CNN1: variants seen among roughly 807,000 people sequenced by gnomAD.
CNN1 encodes calponin-1.
CNN1 carries 21 observed loss-of-function variants against 35.3 expected under a neutral mutation model. The observed-to-expected ratio is 0.60, with a 90% CI of 0.42 to 0.86. The LOEUF is 0.86. Ranked by LOEUF, CNN1 falls within the 40% of genes least tolerant of loss-of-function variation. The pLI is 0.00. For missense variants in CNN1, 314 were observed against 400.8 expected, an observed-to-expected ratio of 0.78 and a Z score of 1.85; for synonymous variants, 164 against 161.8, an observed-to-expected ratio of 1.01 and a Z score of -0.10.
chr19:11,548,032 C>T (rs190775605), intron 5 of CNN1, 125 bp downstream of exon 5: 3 of 615,520 alleles, frequency 4.9e-6, no homozygotes, highest in African/African-American at 3.8e-5. Context: ...TGCTTATGCT[C>T]ATCTTCCATT....
chr19:11,547,067 G>A, intron 4 of CNN1, 98 bp downstream of exon 4: 1 of 1,549,292 alleles, frequency 6.5e-7, no homozygotes, highest in East Asian at 2.3e-5. Flanking sequence ...AGGTGGCGGA[G>A]CGGGGGGCAG....
At chr19:11,539,665 G>T in intron 1 of CNN1, 1 of 671,750 alleles carries the variant, frequency 1.5e-6, no homozygotes, top group Admixed American at 2.4e-5. Context: ...CACTGGAATC[G>T]CCCCAACAGT....
At chr19:11,544,122 A>G (rs1741154122) in intron 2 of CNN1, among the ~76,000 whole-genome samples, 1 of 151,860 alleles carries the variant, frequency 6.6e-6, no homozygotes, top group African/African-American at 2.4e-5. Context: ...AATTGATCAA[A>G]TAATCACAGA....
chr19:11,539,532 AGAG>A (rs1972411211), intron 1 of CNN1: 4 of 1,132,242 alleles, frequency 3.5e-6, no homozygotes, highest in Non-Finnish European at 4.4e-6. Flanking sequence ...TGAGGTTCGG[AGAG>A]GAGAGGCAAA....
chr19:11,547,002 T>G, intron 4 of CNN1, 33 bp downstream of exon 4: 1 of 1,610,224 alleles, frequency 6.2e-7, no homozygotes, highest in Non-Finnish European at 8.5e-7. Flanking sequence ...CAGGGGGTGG[T>G]GGGCAGCCTG....
chr19:11,541,556 C>G (rs1165180956), intron 2 of CNN1, among the ~76,000 whole-genome samples: 1 of 152,080 alleles, frequency 6.6e-6, no homozygotes, highest in Non-Finnish European at 1.5e-5. Context: ...AGATGTGCAG[C>G]AATAATTAAA....
rs532996838 is a variant in CNN1 at position 11,545,881 on chromosome 19, G to A, written c.186-794G>A. Among the ~76,000 whole-genome samples, 26 of 151,130 alleles carry A rather than the reference G, an allele frequency of 1.7e-4. 1 individual carries two copies. Among genetic ancestry groups the A allele is most frequent in the African/African-American group, 6.1e-4 (25 of 41,094 alleles). On this transcript the variant is annotated intron_variant, in intron 2 of 6. Coordinates refer to ENST00000252456, the MANE Select transcript of CNN1 (RefSeq NM_001299.6). ...CTCGGAAGGCTGAGGTGGGAGGATC[G>A]CTGGAGCCTGGGAAGTTGAGGCTGC... is the stretch of plus-strand genomic sequence containing the variant.
At position 11,549,573 on chromosome 19, in the gene CNN1, C is replaced by T; in HGVS notation, c.672C>T (p.Thr224=). 1 of 1,600,140 alleles carries T rather than the reference C, an allele frequency of 6.2e-7. No individual in the cohort carries two copies. Among genetic ancestry groups the T allele is most frequent in the Non-Finnish European group, 8.5e-7 (1 of 1,169,882 alleles). Residue 224 remains threonine (T), a synonymous_variant, in exon 7 of 7, where the codon ACC becomes ACT. Coordinates refer to ENST00000252456, the MANE Select transcript of CNN1 (RefSeq NM_001299.6). This position sits in a 1 kb window ranked among gnomAD's most constrained non-coding sequence, Gnocchi z 5.2. ...AGGCTGGCATGACTGCGCCAGGGAC[C>T]AAGCGGCAGATCTTCGAGCCGGGGC... ...ASQAGMTAPG[T]KRQIFEPGLG...
Position 11,549,420 on chromosome 19 carries a change from A to G in CNN1, c.599A>G (p.Asp200Gly), listed in dbSNP as rs1972665412. The change falls in exon 6 of 7, where the codon GAC becomes GGC. Residue 200 changes from aspartate to glycine, a missense_variant. Coordinates refer to ENST00000252456, the MANE Select transcript of CNN1 (RefSeq NM_001299.6). The surrounding 1 kb of genome is among the most constrained non-coding windows in gnomAD (Gnocchi z 5.2). ...DPKLGTDQPL[D>G]QATISLQMGT... Reference sequence around the variant, plus strand: ...AAGCTGGGCACAGACCAGCCTCTGGACCAGGCGACCATCAGCCTGCAGATG... The same window carrying G: ...AAGCTGGGCACAGACCAGCCTCTGGGCCAGGCGACCATCAGCCTGCAGATG... The G allele has an allele frequency of 6.2e-7, 1 of 1,613,476 alleles. No individual in the cohort carries two copies. Among genetic ancestry groups the G allele is most frequent in the South Asian group, 1.1e-5 (1 of 91,064 alleles).
intron 1 of CNN1, chr19:11,539,922 T>G (rs1295936597): frequency 1.7e-5 from 19 of 1,114,670 alleles, no homozygotes; most frequent in Non-Finnish European, 2.1e-5. Flanking sequence ...ACGCCGCGCC[T>G]TATAAGGCGG....
At chr19:11,541,281 G>A in intron 2 of CNN1, 84 bp downstream of exon 2, 1 of 1,456,058 alleles carries the variant, frequency 6.9e-7, no homozygotes, top group Non-Finnish European at 9.1e-7. Flanking sequence ...CCATGATCCT[G>A]GAACTGAGTT....
At chr19:11,546,343 C>CTTT (rs1261796219) in intron 2 of CNN1, among the ~76,000 whole-genome samples, 1 of 139,732 alleles carries the variant, frequency 7.2e-6, no homozygotes, top group Non-Finnish European at 1.6e-5. Flanking sequence ...ACCTTTCTTT[C>CTTT]TTTTTTTTTT....
In CNN1 at chr19:11,546,870, G is replaced by C. The variant is rs779660802; in HGVS notation, c.291G>C (p.Lys97Asn). ...NIGNFIKAIT[K>N]YGVKPHDIFE... Reference sequence around the variant, plus strand: ...GCAACTTCATCAAGGCCATCACCAAGTATGGGGTGAAGCCCCACGACATTT... The same window carrying C: ...GCAACTTCATCAAGGCCATCACCAACTATGGGGTGAAGCCCCACGACATTT... Residue 97 changes from lysine to asparagine, a missense_variant, in exon 4 of 7, where the codon AAG (lysine) becomes AAC (asparagine). Transcript: ENST00000252456. 12 of 1,614,234 alleles carry C rather than the reference G, an allele frequency of 7.4e-6. No individual in the cohort carries two copies. In the Middle Eastern group the frequency reaches 4.9e-4, roughly 67 times the overall value.
intron 1 of CNN1, 149 bp downstream of exon 1, chr19:11,539,139 G>A: frequency 9.3e-7 from 1 of 1,079,104 alleles, no homozygotes; most frequent in Non-Finnish European, 1.2e-6. Flanking sequence ...GGGGCTGCCT[G>A]TCTCCCCCTG....
chr19:11,549,228 G>T lies in CNN1; in HGVS notation c.502-95G>T. On this transcript the variant is annotated intron_variant, in intron 5 of 6. Coordinates refer to ENST00000252456, the MANE Select transcript of CNN1 (RefSeq NM_001299.6). The surrounding 1 kb of genome is among the most constrained non-coding windows in gnomAD (Gnocchi z 5.2). The stretch of plus-strand genomic sequence containing the variant: ...AAATAAAATAAAAATTGAAAAAAAT[G>T]ATAAAGCGGCGCCTCATCCTCTCCC... 2.8e-5 allele frequency: 35 copies of T among 1,271,554 alleles called. No individual in the cohort carries two copies. Among genetic ancestry groups the T allele is most frequent in the Non-Finnish European group, 3.8e-5 (35 of 932,004 alleles). The allele number at this position is 1,271,554 out of a possible 1,614,324, so 78.8% of individuals were successfully genotyped here.
At chr19:11,541,025 C>T (rs778051642) in intron 1 of CNN1, 51 bp from the exon 2 acceptor site, 86 of 1,532,186 alleles carry the variant, frequency 5.6e-5, no homozygotes, top group Non-Finnish European at 7.5e-5. Context: ...AGGCTGCCCC[C>T]AATGCATCCT....
intron 2 of CNN1, among the ~76,000 whole-genome samples, chr19:11,542,668 C>G (rs993979476): frequency 9.2e-5 from 14 of 151,410 alleles, no homozygotes; most frequent in African/African-American, 3.4e-4. Flanking sequence ...CTCTGCCTCC[C>G]AGGTTCAAGC....
At chr19:11,543,889 A>G (rs898602251) in intron 2 of CNN1, among the ~76,000 whole-genome samples, 1 of 151,744 alleles carries the variant, frequency 6.6e-6, no homozygotes, top group African/African-American at 2.4e-5. Flanking sequence ...CATAGTGCAC[A>G]TGTACCCCAG....
intron 4 of CNN1, 118 bp downstream of exon 4, chr19:11,547,087 A>T: frequency 6.9e-7 from 1 of 1,454,078 alleles, no homozygotes; most frequent in Non-Finnish European, 9.4e-7. Context: ...GGGATCGGGG[A>T]GCAGGTGCTG....
Sources: gnomAD v4.1 joint callset for allele counts (sites outside exome capture counted in the v4.1 genomes callset) on GRCh38, gnomAD v4.1.1 for gene constraint, Gnocchi (gnomAD v3.1) non-coding constraint, MANE v1.5 for transcripts, NCBI Gene and HGNC (gene_info 2026-07-23, HGNC 2026-07-21) for gene names.